The following KLHL29 variants were observed in gnomAD, a reference collection of about 807,000 sequenced individuals.
KLHL29 encodes kelch like family member 29.
In KLHL29, 21 loss-of-function variants were observed where a neutral mutation model predicts 80.4. The ratio of observed to expected loss-of-function variants is 0.26; its 90% CI spans 0.19 to 0.38. The LOEUF (loss-of-function observed/expected upper bound fraction) is 0.38. Among genes scored for constraint, KLHL29 ranks in the 10% least tolerant of loss-of-function variants. The probability of loss-of-function intolerance (pLI) is 1.00; values close to 1 mark genes in which losing one functional copy is unlikely to be tolerated. For missense variants in KLHL29, 867 were observed against 1,223.9 expected, an observed-to-expected ratio of 0.71 and a Z score of 4.35; for synonymous variants, 511 against 526.8, an observed-to-expected ratio of 0.97 and a Z score of 0.41.
chr2:23,545,665 G>A (rs977267697), intron 2 of KLHL29, among the ~76,000 whole-genome samples: 1 of 152,226 alleles, frequency 6.6e-6, no homozygotes, highest in African/African-American at 2.4e-5. Context: ...AGGCCCTGGA[G>A]TATGGGGTGA....
intron 1 of KLHL29, among the ~76,000 whole-genome samples, chr2:23,409,680 C>T (rs758848403): frequency 1.3e-5 from 2 of 152,220 alleles, no homozygotes; most frequent in African/African-American, 2.4e-5. Flanking sequence ...GTGCCTTCTG[C>T]GTGCCAGGCA....
chr2:23,656,286 G>A (rs1395393704), intron 5 of KLHL29, among the ~76,000 whole-genome samples: 2 of 152,188 alleles, frequency 1.3e-5, no homozygotes, highest in Admixed American at 6.5e-5. Context: ...ATGCTGGCCC[G>A]GAGGAGGTGG....
chr2:23,515,519 C>T (rs752518601), intron 2 of KLHL29, among the ~76,000 whole-genome samples: 4 of 152,228 alleles, frequency 2.6e-5, no homozygotes, highest in Non-Finnish European at 4.4e-5. Context: ...CCCGTCTCTA[C>T]TTCCACAGCT....
At chr2:23,464,122 A>C (rs1263249642) in intron 1 of KLHL29, among the ~76,000 whole-genome samples, 1 of 152,206 alleles carries the variant, frequency 6.6e-6, no homozygotes, top group Non-Finnish European at 1.5e-5. Flanking sequence ...AATGATTATA[A>C]TATTATTCAG....
intron 3 of KLHL29, among the ~76,000 whole-genome samples, chr2:23,624,968 T>C (rs1669273467): frequency 1.3e-5 from 2 of 152,230 alleles, no homozygotes; most frequent in South Asian, 4.1e-4. Flanking sequence ...GTGGTATGAC[T>C]TGTGCAAGGT....
At chr2:23,688,133 C>T (rs1251431674) in intron 6 of KLHL29, among the ~76,000 whole-genome samples, 1 of 152,194 alleles carries the variant, frequency 6.6e-6, no homozygotes, top group Non-Finnish European at 1.5e-5. Flanking sequence ...CATGTCTCAT[C>T]TTGGATGCTG....
At chr2:23,650,107 A>T (rs1670049684) in intron 5 of KLHL29, among the ~76,000 whole-genome samples, 1 of 152,176 alleles carries the variant, frequency 6.6e-6, no homozygotes. Flanking sequence ...TGTGCACATG[A>T]GGCCTGTGGC....
At chr2:23,653,681 A>G (rs1195786615) in intron 5 of KLHL29, among the ~76,000 whole-genome samples, 1 of 152,194 alleles carries the variant, frequency 6.6e-6, no homozygotes. Flanking sequence ...AAAAGGTGAC[A>G]AGGGCAAACT....
chr2:23,391,338 T>C (rs2103382484), intron 1 of KLHL29, among the ~76,000 whole-genome samples: 1 of 152,346 alleles, frequency 6.6e-6, no homozygotes. Flanking sequence ...TTGTAGCTAC[T>C]GAGAATAACG....
chr2:23,663,134 G>GCTCCTCGCTA (rs1325532959), intron 5 of KLHL29, among the ~76,000 whole-genome samples: 3 of 152,214 alleles, frequency 2.0e-5, no homozygotes, highest in Non-Finnish European at 2.9e-5. Context: ...GCTCCTCGCT[G>GCTCCTCGCTA]CTCCTCGCTA....
At chr2:23,555,206 G>C (rs1349712000) in intron 2 of KLHL29, among the ~76,000 whole-genome samples, 1 of 152,018 alleles carries the variant, frequency 6.6e-6, no homozygotes, top group Non-Finnish European at 1.5e-5. Flanking sequence ...AGAGGGCCTC[G>C]GGAGCTGTGC....
intron 1 of KLHL29, among the ~76,000 whole-genome samples, chr2:23,417,217 C>T (rs555737762): frequency 6.6e-6 from 1 of 152,166 alleles, no homozygotes; most frequent in East Asian, 1.9e-4. Context: ...TTTAACTCAT[C>T]TCCTGGCCTC....
intron 1 of KLHL29, among the ~76,000 whole-genome samples, chr2:23,406,515 T>G (rs952392630): frequency 6.6e-6 from 1 of 152,224 alleles, no homozygotes; most frequent in African/African-American, 2.4e-5. Flanking sequence ...AATTGAAAAT[T>G]ACTCTTAAAC....
At position 23,385,458 on chromosome 2, in the gene KLHL29, G is replaced by C. The variant is rs1272696361; in HGVS notation, c.-476G>C. 5.8e-6 allele frequency: 1 copy of C among 171,284 alleles called. No homozygotes were observed. Among genetic ancestry groups the C allele is most frequent in the Non-Finnish European group, 1.3e-5 (1 of 74,766 alleles). 10.6% of individuals were successfully genotyped at this position (171,284 alleles called of 1,614,324 possible). On this transcript the variant is annotated 5_prime_UTR_variant, in exon 1 of 14. Coordinates refer to ENST00000486442, the MANE Select transcript of KLHL29 (RefSeq NM_052920.2). The stretch of plus-strand genomic sequence containing the variant: ...GGGCGATGCTGCCGGAGCCGCCGCC[G>C]CCGCCGCCGCCTCGATGAGAGCCGC...
At chr2:23,547,734 G>C (rs1277781537) in intron 2 of KLHL29, among the ~76,000 whole-genome samples, 9 of 151,866 alleles carry the variant, frequency 5.9e-5, no homozygotes, top group Non-Finnish European at 1.3e-4. Context: ...AAAAGAAGTA[G>C]CGGGAGGAAA....
At chr2:23,691,229 G>C (rs1022129783) in intron 6 of KLHL29, 2 of 220,280 alleles carry the variant, frequency 9.1e-6, no homozygotes, top group African/African-American at 2.3e-5. Context: ...GGATTGGCTG[G>C]CATCACAGCC....
intron 3 of KLHL29, among the ~76,000 whole-genome samples, chr2:23,638,629 TAA>T: frequency 6.6e-6 from 1 of 152,278 alleles, no homozygotes; most frequent in Non-Finnish European, 1.5e-5. Context: ...AGGAAATGTA[TAA>T]AGTCCCTCAC....
intron 2 of KLHL29, among the ~76,000 whole-genome samples, chr2:23,546,027 G>A (rs1666970979): frequency 6.6e-6 from 1 of 152,236 alleles, no homozygotes; most frequent in Non-Finnish European, 1.5e-5. Context: ...GTTGGGCTGA[G>A]CCAAGAGCAG....
intron 2 of KLHL29, among the ~76,000 whole-genome samples, chr2:23,481,823 A>G (rs1416999066): frequency 6.6e-6 from 1 of 152,164 alleles, no homozygotes; most frequent in African/African-American, 2.4e-5. Context: ...AGGCTGAGGC[A>G]GGAGAATTGC....
Sources: gnomAD v4.1 joint callset for allele counts (sites outside exome capture counted in the v4.1 genomes callset) on GRCh38, gnomAD v4.1.1 for gene constraint, MANE v1.5 for transcripts, NCBI Gene and HGNC (gene_info 2026-07-23, HGNC 2026-07-21) for gene names.